Variants in BFSP1 observed in about 807,000 individuals in gnomAD.
The protein encoded by BFSP1 is beaded filament structural protein 1, also known as filensin.
Under a neutral mutation model 43.9 loss-of-function variants are expected in BFSP1, and 38 were observed. That is an observed-to-expected ratio of 0.87 (90% confidence interval 0.67 to 1.14). The LOEUF (loss-of-function observed/expected upper bound fraction) is 1.14. Ranked by LOEUF, BFSP1 falls within the 50% of genes most tolerant of loss-of-function variation. The pLI, the probability that BFSP1 is intolerant of heterozygous loss-of-function variation, is 0.00. For missense variants in BFSP1, 850 were observed against 875.1 expected, an observed-to-expected ratio of 0.97 and a Z score of 0.36; for synonymous variants, 352 against 354.8, an observed-to-expected ratio of 0.99 and a Z score of 0.09.
At chr20:17,503,593 G>A (rs1446762052) in intron 5 of BFSP1, among the ~76,000 whole-genome samples, 2 of 152,176 alleles carry the variant, frequency 1.3e-5, no homozygotes, top group African/African-American at 4.8e-5. Context: ...GGGCACACTG[G>A]CAAAGTGGCT....
At chr20:17,506,195 C>T (rs779114149) in intron 5 of BFSP1, among the ~76,000 whole-genome samples, 1 of 152,200 alleles carries the variant, frequency 6.6e-6, no homozygotes, top group East Asian at 1.9e-4. Context: ...GAAACAGGGT[C>T]CTCACTCCTG....
At chr20:17,524,760 A>C in intron 2 of BFSP1, 88 bp downstream of exon 2, 3 of 1,430,836 alleles carry the variant, frequency 2.1e-6, no homozygotes, top group Non-Finnish European at 3.0e-6. Flanking sequence ...AAAGTAACAC[A>C]AAGAGGAAGC....
At chr20:17,565,634 AAACATATGCCC>A (rs1202406660) in intron 1 of BFSP1, 1 of 152,244 alleles carries the variant, frequency 6.6e-6, no homozygotes, top group Non-Finnish European at 1.5e-5. Flanking sequence ...ACGAAACACA[AAACATATGCCC>A]AAGGTCTATT....
chr20:17,558,159 C>CTT (rs5840776), intron 1 of BFSP1, among the ~76,000 whole-genome samples: 13,314 of 149,010 alleles, frequency 0.089, 682 homozygotes, highest in African/African-American at 0.12. Context: ...ATTTATTTTC[C>CTT]TTTTTTTTTT....
chr20:17,558,482 AC>A (rs2035031908), intron 1 of BFSP1, among the ~76,000 whole-genome samples: 1 of 152,136 alleles, frequency 6.6e-6, no homozygotes, highest in Non-Finnish European at 1.5e-5. Context: ...GTTTCTTGTA[AC>A]CATGGTGCTT....
intron 1 of BFSP1, among the ~76,000 whole-genome samples, chr20:17,548,953 A>C (rs1432822418): frequency 6.6e-6 from 1 of 152,104 alleles, no homozygotes; most frequent in Non-Finnish European, 1.5e-5. Flanking sequence ...GACTACAAGC[A>C]CATGCCACCA....
At chr20:17,532,410 A>G (rs1177500981), upstream of BFSP1, among the ~76,000 whole-genome samples, 3 of 151,470 alleles carry the variant, frequency 2.0e-5, no homozygotes, top group Non-Finnish European at 4.4e-5. Context: ...GTCTCAAAAA[A>G]AAAAAAAAAA....
intron 5 of BFSP1, among the ~76,000 whole-genome samples, chr20:17,502,041 A>T (rs1487389660): frequency 6.6e-6 from 1 of 152,282 alleles, no homozygotes; most frequent in African/African-American, 2.4e-5. Context: ...GAAATTAGGG[A>T]GCCATGGCAA....
At chr20:17,503,293 G>A (rs1433781518) in intron 5 of BFSP1, among the ~76,000 whole-genome samples, 1 of 152,226 alleles carries the variant, frequency 6.6e-6, no homozygotes, top group Admixed American at 6.5e-5. Flanking sequence ...GCCTCCCAAA[G>A]TACTAGGATT....
At chr20:17,537,377 G>A (rs2034644003) in intron 1 of BFSP1, among the ~76,000 whole-genome samples, 1 of 152,110 alleles carries the variant, frequency 6.6e-6, no homozygotes, top group Admixed American at 6.5e-5. Flanking sequence ...TGGAAGTGAT[G>A]AGTCTGTAGG....
Position 17,514,726 on chromosome 20 carries a change from T to C in BFSP1, c.529A>G (p.Lys177Glu). 1 of 1,613,924 alleles carries C rather than the reference T, an allele frequency of 6.2e-7. No homozygotes were observed. The highest frequency in any genetic ancestry group is 8.5e-7 in the Non-Finnish European group (1 of 1,179,814). Reference sequence around the variant, plus strand: ...CTTCAAGGGGTCATGATTACCTTCTTGTGCCTGTCCTTTGCCGCACTGATA... The same window carrying C: ...CTTCAAGGGGTCATGATTACCTTCTCGTGCCTGTCCTTTGCCGCACTGATA... ...DDISAAKDRH[K>E]KNLLEVQTYI... Residue 177 changes from lysine (K) to glutamate (E), a missense_variant, in exon 3 of 8, where the codon AAG becomes GAG. Transcript: ENST00000377873.
chr20:17,506,152 C>T (rs1327464424), intron 5 of BFSP1, among the ~76,000 whole-genome samples: 2 of 152,116 alleles, frequency 1.3e-5, no homozygotes, highest in Non-Finnish European at 2.9e-5. Context: ...CCTGGGCAGC[C>T]CTGACAGCCA....
intron 2 of BFSP1, among the ~76,000 whole-genome samples, chr20:17,522,844 C>T (rs1359871422): frequency 6.6e-6 from 1 of 152,204 alleles, no homozygotes; most frequent in East Asian, 1.9e-4. Context: ...AACCGAGGCT[C>T]AGAGGGACAA....
chr20:17,516,718 G>T, intron 2 of BFSP1: 1 of 265,926 alleles, frequency 3.8e-6, no homozygotes. Flanking sequence ...GAGAACTGAA[G>T]ATTTTATCTT....
intron 1 of BFSP1, among the ~76,000 whole-genome samples, chr20:17,527,543 C>T (rs923897150): frequency 3.9e-5 from 6 of 152,106 alleles, no homozygotes; most frequent in African/African-American, 1.2e-4. Context: ...CTGGCTAACA[C>T]GGTGAAACCC....
rs1417189977 is a variant in BFSP1, at chr20:17,494,520, T to C, written c.1552A>G (p.Lys518Glu). 1 of 1,614,210 alleles carries C rather than the reference T, an allele frequency of 6.2e-7. No individual in the cohort carries two copies. The highest frequency in any genetic ancestry group is 1.3e-5 in the African/African-American group (1 of 75,058). Residue 518 changes from lysine to glutamate, a missense_variant, in exon 8 of 8, where the codon AAG becomes GAG. By Grantham distance (56) the Lys-to-Glu change is moderately conservative. Transcript: ENST00000377873. ...ACCTGCCCATTCTCTAAAGGGGGCT[T>C]GGGTGACTCAGGAGAGGGCTCCACC... ...GQVEPSPESP[K>E]PPLENGQVGL...
At chr20:17,504,831 C>G (rs1205485805) in intron 5 of BFSP1, among the ~76,000 whole-genome samples, 1 of 152,134 alleles carries the variant, frequency 6.6e-6, no homozygotes, top group Non-Finnish European at 1.5e-5. Flanking sequence ...CAGGCAGGAG[C>G]CTGACGCGAG....
At chr20:17,514,857 G>A in intron 2 of BFSP1, 41 bp from the exon 3 acceptor site, 1 of 1,580,386 alleles carries the variant, frequency 6.3e-7, no homozygotes, top group Non-Finnish European at 8.7e-7. Context: ...AGGCACCATG[G>A]AGCATAGGGG....
chr20:17,532,188 G>A (rs1198748184), upstream of BFSP1, among the ~76,000 whole-genome samples: 2 of 152,078 alleles, frequency 1.3e-5, no homozygotes, highest in South Asian at 2.1e-4. Flanking sequence ...CGAGGCGGGC[G>A]GATCACCTGA....
Sources: allele counts gnomAD v4.1 joint callset (sites outside exome capture counted in the v4.1 genomes callset), GRCh38; gene constraint gnomAD v4.1.1; transcripts MANE v1.5; gene names NCBI Gene and HGNC (gene_info 2026-07-23, HGNC 2026-07-21).